The following MME variants were observed in gnomAD, a reference collection of about 807,000 sequenced individuals.
The protein encoded by MME is neprilysin.
In MME, 98 loss-of-function variants were observed where a neutral mutation model predicts 113.2. The observed-to-expected ratio is 0.87, with a 90% confidence interval of 0.74 to 1.02. The LOEUF (loss-of-function observed/expected upper bound fraction) is 1.02. Ranked by LOEUF, MME falls within the 50% of genes least tolerant of loss-of-function variation. The probability of loss-of-function intolerance (pLI) is 0.00; values close to 1 mark genes in which losing one functional copy is unlikely to be tolerated. For missense variants in MME, 836 were observed against 896.0 expected, an observed-to-expected ratio of 0.93 and a Z score of 0.86; for synonymous variants, 292 against 300.6, an observed-to-expected ratio of 0.97 and a Z score of 0.30.
At chr3:155,152,658 T>C (rs1343554335) in intron 16 of MME, among the ~76,000 whole-genome samples, 6 of 152,044 alleles carry the variant, frequency 3.9e-5, no homozygotes, top group Admixed American at 3.9e-4. Flanking sequence ...CTGGGCAACA[T>C]GGTGAAACCT....
chr3:155,042,808 T>C (rs529625063), intron 1 of MME, among the ~76,000 whole-genome samples: 1 of 149,964 alleles, frequency 6.7e-6, no homozygotes, highest in South Asian at 2.1e-4. Context: ...GTCAAGTGTT[T>C]ATCATCTTTG....
intron 8 of MME, among the ~76,000 whole-genome samples, chr3:155,127,525 G>C (rs1450101259): frequency 6.6e-6 from 1 of 152,230 alleles, no homozygotes; most frequent in Non-Finnish European, 1.5e-5. Context: ...GGAAAATGTA[G>C]TCTTGAGCAG....
At chr3:155,034,099 C>T (rs1559887471) in intron 1 of MME, among the ~76,000 whole-genome samples, 1 of 152,158 alleles carries the variant, frequency 6.6e-6, no homozygotes, top group South Asian at 2.1e-4. Flanking sequence ...TTCTAAGAAG[C>T]ATGCCTTCCT....
intron 1 of MME, among the ~76,000 whole-genome samples, chr3:155,062,996 C>G (rs1714201865): frequency 7.0e-6 from 1 of 143,768 alleles, no homozygotes; most frequent in Non-Finnish European, 1.5e-5. Context: ...GATAGTGCCA[C>G]TGCACTCCAG....
intron 8 of MME, among the ~76,000 whole-genome samples, chr3:155,126,773 G>A (rs895447667): frequency 6.6e-6 from 1 of 152,002 alleles, no homozygotes; most frequent in Non-Finnish European, 1.5e-5. Flanking sequence ...GCCAAGGCGG[G>A]TGGATCACCT....
intron 16 of MME, among the ~76,000 whole-genome samples, chr3:155,155,923 C>A (rs2108341606): frequency 6.6e-6 from 1 of 152,328 alleles, no homozygotes; most frequent in Non-Finnish European, 1.5e-5. Context: ...TACACACAAA[C>A]AACTGGTAAC....
chr3:155,168,485 A>C lies in MME; in HGVS notation c.1781-7A>C. On this transcript the variant is annotated splice_region_variant and splice_polypyrimidine_tract_variant and intron_variant, in intron 18 of 22. Transcript: ENST00000360490. ...GTTCCCATTTTACTTAAATAAATATATTATAGGCAGAAACTTTAACAAAGA... is the reference window on the plus strand; with the variant it reads ...GTTCCCATTTTACTTAAATAAATATCTTATAGGCAGAAACTTTAACAAAGA... 1.2e-6 allele frequency: 2 copies of C among 1,608,854 alleles called. No homozygotes were observed. Among genetic ancestry groups the C allele is most frequent in the Non-Finnish European group, 1.7e-6 (2 of 1,175,936 alleles).
intron 17 of MME, among the ~76,000 whole-genome samples, chr3:155,165,047 C>T (rs942479733): frequency 6.6e-6 from 1 of 152,134 alleles, no homozygotes. Context: ...TCTTAAATTT[C>T]TTAAGGTCAG....
At chr3:155,103,895 T>C (rs534922410) in intron 3 of MME, among the ~76,000 whole-genome samples, 2 of 152,214 alleles carry the variant, frequency 1.3e-5, no homozygotes, top group African/African-American at 4.8e-5. Context: ...ATGCATAAAC[T>C]CACTTATGGA....
At chr3:155,161,916 A>G (rs1722749989) in intron 17 of MME, among the ~76,000 whole-genome samples, 1 of 152,112 alleles carries the variant, frequency 6.6e-6, no homozygotes, top group Non-Finnish European at 1.5e-5. Flanking sequence ...AAACCATTCA[A>G]ATCTTGTTTT....
intron 1 of MME, among the ~76,000 whole-genome samples, chr3:155,034,676 G>C (rs1713073910): frequency 6.6e-6 from 1 of 152,058 alleles, no homozygotes; most frequent in Non-Finnish European, 1.5e-5. Context: ...AAACCCCCTA[G>C]GGTCTTAATA....
intron 3 of MME, among the ~76,000 whole-genome samples, chr3:155,087,697 C>T (rs535250298): frequency 1.3e-5 from 2 of 152,260 alleles, no homozygotes; most frequent in African/African-American, 4.8e-5. Flanking sequence ...TCTTCTCTCA[C>T]TATTTTTCCT....
At chr3:155,124,853 A>G in intron 8 of MME, among the ~76,000 whole-genome samples, 1 of 152,064 alleles carries the variant, frequency 6.6e-6, no homozygotes, top group Non-Finnish European at 1.5e-5. Flanking sequence ...AAGTCTGCAG[A>G]GGTTACTGCT....
Position 155,115,043 on chromosome 3 carries a change from CTT to C in MME, c.250_251del (p.Phe84GlnfsTer11), listed in dbSNP as rs1231396730. Reference sequence around the variant, plus strand: ...ATGCCACCACTGAGCCTTGTACAGACTTTTTCAAATATGCTTGCGGAGGCTGG... The same window carrying C: ...ATGCCACCACTGAGCCTTGTACAGACTTTCAAATATGCTTGCGGAGGCTGG... ...MDATTEPCTD[F>X]FKYACGGWLK... On this transcript the variant is annotated frameshift_variant, in exon 4 of 23. Transcript: ENST00000360490. LOFTEE classifies it high-confidence loss of function. 1.9e-6 allele frequency: 3 copies of C among 1,613,980 alleles called. No individual in the cohort carries two copies. Among genetic ancestry groups the C allele is most frequent in the African/African-American group, 1.3e-5 (1 of 74,904 alleles).
At position 155,115,106 on chromosome 3, in the gene MME, T is replaced by C. The variant is rs758739136; in HGVS notation, c.309T>C (p.Arg103=). ...KRNVIPETSS[R]YGNFDILRDE... is the part of the protein sequence containing the mutation. ...ATGTCATTCCCGAGACCAGCTCCCG[T>C]TACGGCAACTTTGACATTTTAAGAG... is the stretch of plus-strand genomic sequence containing the variant. The change falls in exon 4 of 23, where the codon CGT becomes CGC. Residue 103 remains arginine (R), a synonymous_variant. Coordinates refer to ENST00000360490, the MANE Select transcript of MME (RefSeq NM_007289.4). The C allele has an allele frequency of 4.3e-6, 7 of 1,614,152 alleles. No homozygotes were observed. In the South Asian group the frequency reaches 7.7e-5, roughly 18 times the overall value.
Position 155,181,340 on chromosome 3 carries a change from A to G in MME, c.*881A>G, listed in dbSNP as rs201664781. 7 of 152,166 alleles carry G rather than the reference A, an allele frequency of 4.6e-5. No individual in the cohort carries two copies. The highest frequency in any genetic ancestry group is 1.3e-4 in the Admixed American group (2 of 15,254). The allele number at this position is 152,166 out of a possible 1,614,324, so 9.4% of individuals were successfully genotyped here. A position where few individuals can be genotyped will look rare whatever the true frequency, so the allele number is the denominator to read the frequency against. On this transcript the variant is annotated 3_prime_UTR_variant, in exon 23 of 23. Transcript: ENST00000360490. ...GATATACAGATGAAAATTTGAGACT[A>G]TTTAAACTTATAAATCATATTGATG...
At chr3:155,061,694 C>T (rs150680513) in intron 1 of MME, among the ~76,000 whole-genome samples, 1,505 of 136,298 alleles carry the variant, frequency 0.011, 28 homozygotes, top group African/African-American at 0.04. Flanking sequence ...CAGAGTCTTG[C>T]TCTGTTGCCG....
intron 3 of MME, among the ~76,000 whole-genome samples, chr3:155,110,402 G>A (rs867668683): frequency 3.9e-5 from 6 of 152,154 alleles, no homozygotes; most frequent in African/African-American, 9.7e-5. Flanking sequence ...GAGCCCAAAC[G>A]TTTTTCCCAG....
At chr3:155,073,859 A>G (rs1052176448) in intron 1 of MME, among the ~76,000 whole-genome samples, 2 of 152,166 alleles carry the variant, frequency 1.3e-5, no homozygotes. Context: ...TTCTCTTGTA[A>G]AAACGCAATT....
Sources: gnomAD v4.1 joint callset for allele counts (sites outside exome capture counted in the v4.1 genomes callset) on GRCh38, gnomAD v4.1.1 for gene constraint, MANE v1.5 for transcripts, NCBI Gene and HGNC (gene_info 2026-07-23, HGNC 2026-07-21) for gene names.